AOPEP: variants seen among roughly 807,000 people sequenced by gnomAD.
AOPEP encodes the protein aminopeptidase O (putative), also known as aminopeptidase O.
AOPEP carries 77 observed loss-of-function variants against 98.1 expected under a neutral mutation model. That is an observed-to-expected ratio of 0.78 (90% CI 0.65 to 0.95). The LOEUF (loss-of-function observed/expected upper bound fraction) is 0.95, where lower values mean the gene tolerates loss of function less well. Among genes scored for constraint, AOPEP ranks in the 40% least tolerant of loss-of-function variants. The pLI, the probability that AOPEP is intolerant of heterozygous loss-of-function variation, is 0.00. For missense variants in AOPEP, 1,024 were observed against 1,024.7 expected, an observed-to-expected ratio of 1.00 and a Z score of 0.01; for synonymous variants, 346 against 365.3, an observed-to-expected ratio of 0.95 and a Z score of 0.60.
downstream of AOPEP, chr9:95,087,165 G>A (rs111296134): frequency 0.023 from 3,507 of 155,404 alleles, 134 homozygotes; most frequent in African/African-American, 0.08. Flanking sequence ...TTGTATACGT[G>A]TTTGCTTCTA....
In AOPEP at chr9:94,928,535, A is replaced by G. The variant is rs1025442450; in HGVS notation, c.1661+4A>G. On this transcript the variant is annotated splice_donor_region_variant and intron_variant, in intron 7 of 16. Transcript: ENST00000375315. ...CCGAGGAGATGCAGGTGTTAAGGTAAAGCTGCATGGTGATCCACAGCCCTC... is the reference window on the plus strand; with the variant it reads ...CCGAGGAGATGCAGGTGTTAAGGTAGAGCTGCATGGTGATCCACAGCCCTC... The G allele has an allele frequency of 6.5e-7, 1 of 1,542,826 alleles. No individual in the cohort carries two copies. The highest frequency in any genetic ancestry group is 8.8e-7 in the Non-Finnish European group (1 of 1,139,780).
chr9:95,075,120 T>TG (rs1350167319), intron 14 of AOPEP, among the ~76,000 whole-genome samples: 1 of 152,168 alleles, frequency 6.6e-6, no homozygotes, highest in Non-Finnish European at 1.5e-5. Context: ...CTCGCCCCTT[T>TG]GGTCATGGTC....
In AOPEP at chr9:95,008,005, C is replaced by G. The variant is rs140889582; in HGVS notation, c.2115+2389C>G. Among the ~76,000 whole-genome samples, 446 of 152,256 alleles carry G rather than the reference C, an allele frequency of 2.9e-3. 3 individuals carry two copies. The highest frequency in any genetic ancestry group is 0.014 in the Middle Eastern group (4 of 294). Reference sequence around the variant, plus strand: ...AGTAGAAGCAGATTATTCAATTTCTCTTTTTTCCTGCATCCACTATATTTT... The same window carrying G: ...AGTAGAAGCAGATTATTCAATTTCTGTTTTTTCCTGCATCCACTATATTTT... On this transcript the variant is annotated intron_variant, in intron 13 of 16. Transcript: ENST00000375315.
At chr9:95,099,962 C>T in the AOPEP span, 1 of 232,366 alleles carries the variant, frequency 4.3e-6, no homozygotes, top group Non-Finnish European at 8.5e-6. Flanking sequence ...AGGACTGTCC[C>T]AGGAGTCCCT....
At chr9:94,781,025 A>G (rs140392138) in intron 3 of AOPEP, among the ~76,000 whole-genome samples, 208 of 152,282 alleles carry the variant, frequency 1.4e-3, no homozygotes, top group East Asian at 9.5e-3. Flanking sequence ...TTTAAAATGA[A>G]GGGTAATGGT....
At chr9:95,103,645 C>T in the AOPEP span, among the ~76,000 whole-genome samples, 1 of 152,164 alleles carries the variant, frequency 6.6e-6, no homozygotes, top group Admixed American at 6.5e-5. Flanking sequence ...GCAGGAGAAC[C>T]GCAGGGACGT....
intron 5 of AOPEP, among the ~76,000 whole-genome samples, chr9:94,815,674 G>A (rs1564185687): frequency 6.6e-6 from 1 of 152,098 alleles, no homozygotes; most frequent in Non-Finnish European, 1.5e-5. Flanking sequence ...CCAATGTCCT[G>A]GCTTCCCACA....
rs1351321802 is a variant in AOPEP at position 94,800,756 on chromosome 9, G to A, written c.1119-1G>A. 6.2e-7 allele frequency: 1 copy of A among 1,613,656 alleles called. No individual in the cohort carries two copies. The highest frequency in any genetic ancestry group is 8.5e-7 in the Non-Finnish European group (1 of 1,179,740). ...TACCATTTATTTTGTGTTATTCCCAGGCATGTTGGTGTTTGCAGTCACATG... is the reference window on the plus strand; with the variant it reads ...TACCATTTATTTTGTGTTATTCCCAAGCATGTTGGTGTTTGCAGTCACATG... On this transcript the variant is annotated splice_acceptor_variant, in intron 4 of 16. Coordinates refer to ENST00000375315, the MANE Select transcript of AOPEP (RefSeq NM_001193329.3). LOFTEE classifies it high-confidence loss of function.
intron 13 of AOPEP, among the ~76,000 whole-genome samples, chr9:95,022,572 C>T (rs1320560945): frequency 6.6e-6 from 1 of 152,084 alleles, no homozygotes; most frequent in African/African-American, 2.4e-5. Flanking sequence ...ATTTCCTGAC[C>T]TCATGATCCG....
chr9:95,086,628 C>T, intron 16 of AOPEP, 54 bp from the exon 17 acceptor site: 2 of 987,490 alleles, frequency 2.0e-6, no homozygotes, highest in Non-Finnish European at 2.4e-6. Context: ...TGCGCGCTCA[C>T]AAGAATTCCT....
At chr9:95,000,023 C>A (rs1239598136) in intron 11 of AOPEP, among the ~76,000 whole-genome samples, 2 of 152,128 alleles carry the variant, frequency 1.3e-5, no homozygotes, top group Non-Finnish European at 2.9e-5. Context: ...ATAGCCTCAG[C>A]AATCCACTAC....
intron 11 of AOPEP, among the ~76,000 whole-genome samples, chr9:94,988,659 G>A (rs2060671502): frequency 6.6e-6 from 1 of 152,112 alleles, no homozygotes; most frequent in Admixed American, 6.5e-5. Flanking sequence ...GCCCATGTAC[G>A]TGTGGGTTTT....
intron 5 of AOPEP, among the ~76,000 whole-genome samples, chr9:94,816,754 G>A (rs1197553674): frequency 6.6e-6 from 1 of 152,110 alleles, no homozygotes; most frequent in African/African-American, 2.4e-5. Context: ...AGGAGGTGGG[G>A]GAAGGCTATG....
At chr9:95,118,507 C>G in the AOPEP span, among the ~76,000 whole-genome samples, 12 of 152,320 alleles carry the variant, frequency 7.9e-5, no homozygotes, top group South Asian at 2.1e-4. Flanking sequence ...ATCCATGTGA[C>G]CACCACCCCA....
intron 5 of AOPEP, among the ~76,000 whole-genome samples, chr9:94,816,531 A>C (rs910678128): frequency 2.0e-5 from 3 of 152,192 alleles, no homozygotes; most frequent in African/African-American, 7.2e-5. Flanking sequence ...CTAAGTGAGC[A>C]TAACTTAGAA....
rs73657010 is a variant in AOPEP at position 94,892,142 on chromosome 9, C to T, written c.1365-31844C>T. On this transcript the variant is annotated intron_variant, in intron 5 of 16. Coordinates refer to ENST00000375315, the MANE Select transcript of AOPEP (RefSeq NM_001193329.3). ...TGTCTTTTGTTTTCAGAAGTTTAAT[C>T]CTAATTTATCTTGGCATGGGTTTCT... 5.5e-3 allele frequency among the ~76,000 whole-genome samples: 830 copies of T among 152,092 alleles called. 3 individuals carry two copies. Among genetic ancestry groups the T allele is most frequent in the African/African-American group, 0.019 (796 of 41,464 alleles).
At chr9:94,729,401 C>A (rs1829991585) in intron 1 of AOPEP, among the ~76,000 whole-genome samples, 1 of 151,936 alleles carries the variant, frequency 6.6e-6, no homozygotes, top group Non-Finnish European at 1.5e-5. Context: ...GAAATCCTGC[C>A]ACTACGAAAA....
At chr9:95,051,171 C>G (rs1163937145) in intron 13 of AOPEP, among the ~76,000 whole-genome samples, 8 of 151,086 alleles carry the variant, frequency 5.3e-5, no homozygotes, top group African/African-American at 1.9e-4. Flanking sequence ...CTCACTGCAA[C>G]CTCCGCCTCC....
At chr9:94,854,859 G>A (rs539418136) in intron 5 of AOPEP, among the ~76,000 whole-genome samples, 3 of 152,236 alleles carry the variant, frequency 2.0e-5, no homozygotes, top group African/African-American at 7.2e-5. Context: ...CACCAAACGA[G>A]CTCTACATAT....
Sources: gnomAD v4.1 joint callset for allele counts (sites outside exome capture counted in the v4.1 genomes callset) on GRCh38, gnomAD v4.1.1 for gene constraint, MANE v1.5 for transcripts, NCBI Gene and HGNC (gene_info 2026-07-23, HGNC 2026-07-21) for gene names.